The following PHF24 variants were observed in gnomAD, a reference collection of about 807,000 sequenced individuals.
PHF24 encodes the protein PHD finger protein 24, also known as Galpha inhibitory interacting protein.
Under a neutral mutation model 42.6 loss-of-function variants are expected in PHF24, and 25 were observed. That is an observed-to-expected ratio of 0.59 (90% CI 0.43 to 0.82). The LOEUF (loss-of-function observed/expected upper bound fraction) is 0.82, where lower values mean the gene tolerates loss of function less well. Ranked by LOEUF, PHF24 falls within the 40% of genes least tolerant of loss-of-function variation. PHF24 has a pLI of 0.00. For missense variants in PHF24, 470 were observed against 538.1 expected (o/e 0.87, Z 1.25); for synonymous variants, 185 against 204.8 (o/e 0.90, Z 0.83).
chr9:34,710,701 T>C, the PHF24 span, among the ~76,000 whole-genome samples: 445 of 152,238 alleles, frequency 2.9e-3, 1 homozygote, highest in African/African-American at 0.01. Flanking sequence ...CTTGAGCTCC[T>C]GGGCTCAAAT....
chr9:34,722,643 A>G, the PHF24 span, among the ~76,000 whole-genome samples: 1 of 152,190 alleles, frequency 6.6e-6, no homozygotes, highest in Non-Finnish European at 1.5e-5. Context: ...GATGCTTCTC[A>G]AAGTAATTTT....
chr9:34,823,687 G>A, the PHF24 span, among the ~76,000 whole-genome samples: 2 of 152,108 alleles, frequency 1.3e-5, no homozygotes, highest in Admixed American at 6.5e-5. Flanking sequence ...CTGGCTGGAT[G>A]AAAAACTAGG....
At chr9:34,893,794 C>T in the PHF24 span, among the ~76,000 whole-genome samples, 7 of 152,084 alleles carry the variant, frequency 4.6e-5, no homozygotes, top group Middle Eastern at 3.4e-3. Context: ...CGGAGCCAGG[C>T]GGTTAGCTGA....
the PHF24 span, chr9:34,895,195 T>A: frequency 5.0e-6 from 2 of 397,516 alleles, no homozygotes; most frequent in East Asian, 7.1e-5. Context: ...TCCAATTTTA[T>A]ATACTCTTCT....
chr9:34,977,484 G>A (rs1010763509), intron 6 of PHF24, 62 bp from the exon 7 acceptor site: 15 of 1,510,110 alleles, frequency 9.9e-6, no homozygotes, highest in Non-Finnish European at 1.4e-5. Context: ...GCTTACCAGA[G>A]TTTGGGAGGG....
At chr9:34,787,525 A>C in the PHF24 span, among the ~76,000 whole-genome samples, 1 of 152,148 alleles carries the variant, frequency 6.6e-6, no homozygotes, top group Non-Finnish European at 1.5e-5. Context: ...TCTTGAAAGG[A>C]CTAAGGTTTC....
the PHF24 span, among the ~76,000 whole-genome samples, chr9:34,747,023 A>G: frequency 1.3e-5 from 2 of 152,270 alleles, no homozygotes; most frequent in Non-Finnish European, 2.9e-5. Context: ...TTATTTATCA[A>G]AAGATGCCTT....
At chr9:34,846,177 T>C in the PHF24 span, among the ~76,000 whole-genome samples, 11 of 152,200 alleles carry the variant, frequency 7.2e-5, no homozygotes, top group Admixed American at 2.6e-4. Flanking sequence ...ATCGCCACAC[T>C]GACTTCCACA....
At chr9:34,694,322 A>T in the PHF24 span, among the ~76,000 whole-genome samples, 1 of 150,266 alleles carries the variant, frequency 6.7e-6, no homozygotes, top group Non-Finnish European at 1.5e-5. Flanking sequence ...GGCACGCACC[A>T]CCACGCTTGG....
chr9:34,713,038 G>A, the PHF24 span, among the ~76,000 whole-genome samples: 1 of 152,162 alleles, frequency 6.6e-6, no homozygotes, highest in African/African-American at 2.4e-5. Context: ...TTACAGTGTG[G>A]TATCTCTAGA....
chr9:34,770,772 C>CA, the PHF24 span, among the ~76,000 whole-genome samples: 62 of 148,454 alleles, frequency 4.2e-4, no homozygotes, highest in African/African-American at 1.1e-3. Context: ...ATTATCTATG[C>CA]AAAAAAAAAT....
At chr9:34,904,562 C>T in the PHF24 span, among the ~76,000 whole-genome samples, 1 of 151,702 alleles carries the variant, frequency 6.6e-6, no homozygotes, top group African/African-American at 2.4e-5. Flanking sequence ...CCCTGCATCC[C>T]TGGTATGCAA....
rs562485564 is a variant in PHF24, at chr9:34,965,786, T to C, written c.-4-5509T>C. ...ATAGAGTAACTTCCTAACTGGCTGG[T>C]CTTTGTTCAATAACTTTTATTAAAG... On this transcript the variant is annotated intron_variant, in intron 1 of 7. Coordinates refer to ENST00000242315, the Ensembl canonical transcript of PHF24. Among the ~76,000 whole-genome samples the C allele has an allele frequency of 7.2e-5, 11 of 152,350 alleles. No homozygotes were observed. The South Asian group carries it at 2.1e-3, about 29-fold the overall frequency.
At chr9:34,744,909 A>C in the PHF24 span, among the ~76,000 whole-genome samples, 2 of 152,192 alleles carry the variant, frequency 1.3e-5, no homozygotes, top group Non-Finnish European at 2.9e-5. Context: ...CATACTCATT[A>C]ATCATCTGCT....
At chr9:34,697,574 C>T in the PHF24 span, among the ~76,000 whole-genome samples, 1 of 152,188 alleles carries the variant, frequency 6.6e-6, no homozygotes, top group South Asian at 2.1e-4. Flanking sequence ...CCTGCCTCGG[C>T]CTCCCAAAGT....
At chr9:34,796,140 G>T in the PHF24 span, among the ~76,000 whole-genome samples, 9 of 152,022 alleles carry the variant, frequency 5.9e-5, no homozygotes, top group Admixed American at 4.6e-4. Context: ...ATCAACTAGT[G>T]TTGATCATCC....
the PHF24 span, among the ~76,000 whole-genome samples, chr9:34,942,741 A>G: frequency 0.19 from 28,837 of 152,008 alleles, 3,162 homozygotes; most frequent in East Asian, 0.56. Context: ...TGAGCAAACT[A>G]TCACAAGGAC....
At chr9:34,880,183 A>G in the PHF24 span, among the ~76,000 whole-genome samples, 2,808 of 152,282 alleles carry the variant, frequency 0.018, 95 homozygotes, top group African/African-American at 0.064. Context: ...CCTGCCTTAC[A>G]AGAGCTCCTG....
the PHF24 span, chr9:34,917,405 A>G: frequency 1.3e-6 from 1 of 769,598 alleles, no homozygotes; most frequent in Non-Finnish European, 2.4e-6. Context: ...CAACAGTGAC[A>G]TGTATCTCGT....
Sources: allele counts gnomAD v4.1 joint callset (sites outside exome capture counted in the v4.1 genomes callset), GRCh38; gene constraint gnomAD v4.1.1; transcripts MANE v1.5; gene names NCBI Gene and HGNC (gene_info 2026-07-23, HGNC 2026-07-21).